Variants in AFAP1 observed in about 807,000 individuals in gnomAD.
The protein encoded by AFAP1 is actin filament-associated protein 1.
AFAP1 carries 75 observed loss-of-function variants against 93.9 expected under a neutral mutation model. The ratio of observed to expected loss-of-function variants is 0.80; its 90% confidence interval spans 0.66 to 0.97. The LOEUF (loss-of-function observed/expected upper bound fraction) is 0.97. Among genes scored for constraint, AFAP1 ranks in the 50% least tolerant of loss-of-function variants. The pLI is 0.00. For synonymous variants in AFAP1, 517 were observed against 430.7 expected, an observed-to-expected ratio of 1.20 and a Z score of -2.48; for missense variants, 1,201 against 1,050.8, an observed-to-expected ratio of 1.14 and a Z score of -1.98.
intron 16 of AFAP1, among the ~76,000 whole-genome samples, chr4:7,771,283 G>T (rs1715391691): frequency 7.0e-6 from 1 of 143,672 alleles, no homozygotes; most frequent in Non-Finnish European, 1.5e-5. Context: ...GACTCAGGAA[G>T]TGAGGTGGGA....
chr4:7,795,347 C>CAA (rs11371658), intron 10 of AFAP1, among the ~76,000 whole-genome samples: 1 of 121,150 alleles, frequency 8.3e-6, no homozygotes, highest in African/African-American at 3.2e-5. Flanking sequence ...TGGATTAAAA[C>CAA]AAAAAAAACC....
intron 1 of AFAP1, among the ~76,000 whole-genome samples, chr4:7,888,038 G>C (rs1158121251): frequency 5.3e-5 from 8 of 151,962 alleles, no homozygotes; most frequent in Non-Finnish European, 7.4e-5. Flanking sequence ...TGTTGGCCAG[G>C]CTGGTCTTTC....
Position 7,762,262 on chromosome 4 carries a change from G to C in AFAP1, c.*1503C>G, listed in dbSNP as rs1038508441. 5 of 152,256 alleles carry C rather than the reference G, an allele frequency of 3.3e-5. No individual in the cohort carries two copies. Among genetic ancestry groups the C allele is most frequent in the Admixed American group, 1.3e-4 (2 of 15,280 alleles). The allele number at this position is 152,256 out of a possible 1,614,324, so 9.4% of individuals were successfully genotyped here. ...TGTCTGGGGGAAACCCAAGGAGTCAGTCAGTGTTTTCCCGCCATCTCTTCC... is the reference window on the plus strand; with the variant it reads ...TGTCTGGGGGAAACCCAAGGAGTCACTCAGTGTTTTCCCGCCATCTCTTCC... On this transcript the variant is annotated 3_prime_UTR_variant, in exon 18 of 18. Coordinates refer to ENST00000420658, the MANE Select transcript of AFAP1 (RefSeq NM_001134647.2).
rs189737908 is a variant in AFAP1 at position 7,770,636 on chromosome 4, G to C, written c.2254-1628C>G. Among the ~76,000 whole-genome samples the C allele has an allele frequency of 4.2e-3, 640 of 152,256 alleles. 5 individuals carry two copies. The highest frequency in any genetic ancestry group is 0.014 in the African/African-American group (579 of 41,552). On this transcript the variant is annotated intron_variant, in intron 16 of 17. Transcript: ENST00000420658. ...GAGAATCCTTAAATGCTTGGAAAAA[G>C]CTGACAGAAAAGCTGAAGACACAGG...
chr4:7,920,762 A>T (rs1014626464), intron 1 of AFAP1, among the ~76,000 whole-genome samples: 8 of 152,144 alleles, frequency 5.3e-5, no homozygotes, highest in Non-Finnish European at 8.8e-5. Flanking sequence ...TCGAAAGACA[A>T]TTTCGATATG....
chr4:7,833,806 T>A (rs1711922308), intron 6 of AFAP1, among the ~76,000 whole-genome samples: 1 of 151,984 alleles, frequency 6.6e-6, no homozygotes, highest in Non-Finnish European at 1.5e-5. Flanking sequence ...TCCAGGATAG[T>A]CCCGATCTCC....
intron 6 of AFAP1, among the ~76,000 whole-genome samples, chr4:7,834,527 T>C (rs1238145538): frequency 2.6e-5 from 4 of 152,176 alleles, no homozygotes; most frequent in African/African-American, 9.6e-5. Context: ...AAAAATTTTT[T>C]TCAAAAAAAA....
intron 6 of AFAP1, among the ~76,000 whole-genome samples, chr4:7,824,978 A>G (rs1157528448): frequency 6.6e-6 from 1 of 152,268 alleles, no homozygotes; most frequent in African/African-American, 2.4e-5. Context: ...GTACTGAACA[A>G]TATGGGATAA....
At chr4:7,917,511 C>T (rs1158199064) in intron 1 of AFAP1, among the ~76,000 whole-genome samples, 1 of 152,078 alleles carries the variant, frequency 6.6e-6, no homozygotes, top group Non-Finnish European at 1.5e-5. Flanking sequence ...GCATCTATTG[C>T]TTTTGTAAAG....
chr4:7,899,611 T>C (rs1362226246), intron 1 of AFAP1, among the ~76,000 whole-genome samples: 1 of 152,184 alleles, frequency 6.6e-6, no homozygotes, highest in Non-Finnish European at 1.5e-5. Context: ...AGCCTCCACC[T>C]CTGATAACAT....
chr4:7,807,121 A>AAGTCT (rs1229712621), intron 9 of AFAP1, among the ~76,000 whole-genome samples: 10 of 152,168 alleles, frequency 6.6e-5, no homozygotes, highest in Non-Finnish European at 1.2e-4. Flanking sequence ...GTTTGGGCCA[A>AAGTCT]AGTCTCTCAA....
Position 7,838,548 on chromosome 4 carries a change from C to T in AFAP1, c.702G>A (p.Lys234=), listed in dbSNP as rs1473452778. The T allele has an allele frequency of 6.2e-7, 1 of 1,613,876 alleles. No individual in the cohort carries two copies. The highest frequency in any genetic ancestry group is 8.5e-7 in the Non-Finnish European group (1 of 1,179,928). Residue 234 remains lysine, a synonymous_variant, in exon 6 of 18, where the codon AAG becomes AAA. Coordinates refer to ENST00000420658, the MANE Select transcript of AFAP1 (RefSeq NM_001134647.2). ...TDPLVLAVQS[K]EQAEQWLKVI... ...CCTTCAGCCACTGCTCGGCCTGTTC[C>T]TTGCTCTGGACGGCGAGAACAAGCG...
rs1668893088 is a variant in AFAP1, at chr4:7,760,270, A to C, written c.*3495T>G. On this transcript the variant is annotated 3_prime_UTR_variant, in exon 18 of 18. Transcript: ENST00000420658. ...TTTTGTCTATTTAGAAATGGCCAGT[A>C]ATAATTCTGGGATGAGTAAGATACA... The C allele has an allele frequency of 6.6e-6, 1 of 152,230 alleles. No homozygotes were observed. 9.4% of individuals were successfully genotyped at this position (152,230 alleles called of 1,614,324 possible).
intron 4 of AFAP1, among the ~76,000 whole-genome samples, chr4:7,848,217 G>GGGACGGAT (rs1491088176): frequency 1.6e-5 from 1 of 64,252 alleles, no homozygotes; most frequent in South Asian, 6.4e-4. Context: ...GAGGGAGGGA[G>GGGACGGAT]GGAGGGAGGG....
chr4:7,870,514 G>T (rs533367807), intron 2 of AFAP1, among the ~76,000 whole-genome samples: 1 of 152,262 alleles, frequency 6.6e-6, no homozygotes, highest in African/African-American at 2.4e-5. Context: ...ACCTAGCTGG[G>T]TGTTGTGGTG....
At chr4:7,824,251 AC>A (rs1358199195) in intron 6 of AFAP1, among the ~76,000 whole-genome samples, 5 of 152,232 alleles carry the variant, frequency 3.3e-5, no homozygotes, top group African/African-American at 1.2e-4. Context: ...CTCCAAAAAA[AC>A]AAATTGTTAT....
intron 4 of AFAP1, among the ~76,000 whole-genome samples, chr4:7,853,119 T>G (rs765827996): frequency 1.3e-5 from 2 of 152,134 alleles, no homozygotes. Flanking sequence ...TGTATCAGCC[T>G]AGCAAGGCTG....
At chr4:7,905,684 C>T (rs1233561493) in intron 1 of AFAP1, among the ~76,000 whole-genome samples, 1 of 152,178 alleles carries the variant, frequency 6.6e-6, no homozygotes, top group Admixed American at 6.5e-5. Flanking sequence ...TCTGCTGCAG[C>T]CAGGACTCCA....
In AFAP1 at chr4:7,758,794, A is replaced by C. The variant is rs1713367177; in HGVS notation, c.*4971T>G. 6.6e-6 allele frequency: 1 copy of C among 152,256 alleles called. No individual in the cohort carries two copies. The highest frequency in any genetic ancestry group is 1.5e-5 in the Non-Finnish European group (1 of 68,046). 9.4% of individuals were successfully genotyped at this position (152,256 alleles called of 1,614,324 possible). A position where few individuals can be genotyped will look rare whatever the true frequency, so the allele number is the denominator to read the frequency against. On this transcript the variant is annotated 3_prime_UTR_variant, in exon 18 of 18. Transcript: ENST00000420658. Reference sequence around the variant, plus strand: ...GGTTACACCACGTGAAACAGTAGAAAATTCAACCAGGAAAGCAGGAAATTC... The same window carrying C: ...GGTTACACCACGTGAAACAGTAGAACATTCAACCAGGAAAGCAGGAAATTC...
Sources: gnomAD v4.1 joint callset for allele counts (sites outside exome capture counted in the v4.1 genomes callset) on GRCh38, gnomAD v4.1.1 for gene constraint, MANE v1.5 for transcripts, NCBI Gene and HGNC (gene_info 2026-07-23, HGNC 2026-07-21) for gene names.